HRH2: variants seen among roughly 807,000 people sequenced by gnomAD.
The protein encoded by HRH2 is histamine receptor H2.
In HRH2, 4 loss-of-function variants were observed where a neutral mutation model predicts 20.1. The ratio of observed to expected loss-of-function variants is 0.20; its 90% CI spans 0.10 to 0.45. The LOEUF is 0.45. Ranked by LOEUF, HRH2 falls within the 20% of genes least tolerant of loss-of-function variation. The pLI is 0.99. For missense variants in HRH2, 250 were observed against 461.6 expected (o/e 0.54, Z 4.20); for synonymous variants, 197 against 200.7 (o/e 0.98, Z 0.16).
intron 2 of HRH2, among the ~76,000 whole-genome samples, chr5:175,698,116 T>G (rs1375093049): frequency 6.6e-6 from 1 of 152,240 alleles, no homozygotes. Flanking sequence ...CACCTGTGCA[T>G]ACACTGGCAC....
chr5:175,675,128 T>C (rs1275410889), intron 1 of HRH2, among the ~76,000 whole-genome samples: 1 of 152,234 alleles, frequency 6.6e-6, no homozygotes, highest in Non-Finnish European at 1.5e-5. Flanking sequence ...CCTCAGCGTC[T>C]GTGTTTGTAA....
intron 2 of HRH2, among the ~76,000 whole-genome samples, chr5:175,696,653 G>C (rs1185513431): frequency 1.3e-5 from 2 of 152,228 alleles, no homozygotes; most frequent in African/African-American, 4.8e-5. Flanking sequence ...GTGGATGGCA[G>C]GGAGGTGGGG....
intron 2 of HRH2, chr5:175,691,446 TC>T: frequency 6.6e-6 from 1 of 152,216 alleles, no homozygotes; most frequent in Non-Finnish European, 1.5e-5. Flanking sequence ...CTCCTTCCTC[TC>T]CCCTGCCCTG....
intron 1 of HRH2, among the ~76,000 whole-genome samples, chr5:175,676,321 G>A (rs540131157): frequency 8.5e-5 from 13 of 152,312 alleles, no homozygotes; most frequent in South Asian, 2.1e-4. Context: ...GCACATCCAC[G>A]CCCGCACGTG....
At chr5:175,703,664 G>C (rs1166633993) in intron 2 of HRH2, among the ~76,000 whole-genome samples, 1 of 152,044 alleles carries the variant, frequency 6.6e-6, no homozygotes, top group Non-Finnish European at 1.5e-5. Flanking sequence ...GGCAAAACTT[G>C]TTAAGATAAC....
At chr5:175,702,718 ATTTTTTCTTTT>A (rs898323247) in intron 2 of HRH2, among the ~76,000 whole-genome samples, 1 of 139,752 alleles carries the variant, frequency 7.2e-6, no homozygotes, top group African/African-American at 2.9e-5. Flanking sequence ...CGCCTGGCTA[ATTTTTTCTTTT>A]TTTTTTTTTT....
At chr5:175,680,990 G>A (rs867337285) in intron 1 of HRH2, among the ~76,000 whole-genome samples, 94 of 152,190 alleles carry the variant, frequency 6.2e-4, no homozygotes, top group Middle Eastern at 3.4e-3. Flanking sequence ...TTATAAGAGA[G>A]GCTGGTCCAC....
At chr5:175,660,045 C>T (rs964714603) in intron 1 of HRH2, among the ~76,000 whole-genome samples, 1 of 152,184 alleles carries the variant, frequency 6.6e-6, no homozygotes, top group African/African-American at 2.4e-5. Context: ...ACATTCCACT[C>T]TCCATCCTAG....
At chr5:175,672,090 G>A (rs1755566487) in intron 1 of HRH2, among the ~76,000 whole-genome samples, 1 of 152,154 alleles carries the variant, frequency 6.6e-6, no homozygotes, top group Admixed American at 6.5e-5. Context: ...GTTGCTGGAA[G>A]AGACCTTTGA....
At chr5:175,672,700 C>T (rs934659623) in intron 1 of HRH2, among the ~76,000 whole-genome samples, 3 of 152,102 alleles carry the variant, frequency 2.0e-5, no homozygotes, top group African/African-American at 7.2e-5. Flanking sequence ...GATCCTGGAC[C>T]CTGGATCCTG....
At chr5:175,676,648 G>A (rs1237805216) in intron 1 of HRH2, among the ~76,000 whole-genome samples, 2 of 152,220 alleles carry the variant, frequency 1.3e-5, no homozygotes, top group Non-Finnish European at 1.5e-5. Context: ...AACGTACATA[G>A]ATTGCATAGT....
intron 1 of HRH2, among the ~76,000 whole-genome samples, chr5:175,660,086 G>A (rs751631912): frequency 5.3e-5 from 8 of 152,242 alleles, no homozygotes; most frequent in Non-Finnish European, 8.8e-5. Context: ...CCTCCCAGGC[G>A]ATGCGTCCGT....
At chr5:175,675,078 T>C (rs1755709553) in intron 1 of HRH2, among the ~76,000 whole-genome samples, 1 of 152,238 alleles carries the variant, frequency 6.6e-6, no homozygotes, top group Admixed American at 6.5e-5. Flanking sequence ...TGCCACTTAC[T>C]GTTTTTGAAA....
At chr5:175,662,339 G>T (rs149125168) in intron 1 of HRH2, among the ~76,000 whole-genome samples, 1 of 152,304 alleles carries the variant, frequency 6.6e-6, no homozygotes, top group African/African-American at 2.4e-5. Context: ...AACTTGGGGA[G>T]GGGGAGTGCT....
intron 2 of HRH2, among the ~76,000 whole-genome samples, chr5:175,706,789 G>C (rs1176230828): frequency 1.3e-5 from 2 of 152,182 alleles, no homozygotes; most frequent in African/African-American, 2.4e-5. Flanking sequence ...CTATGTCCTT[G>C]TTCACAAAGC....
At chr5:175,668,137 G>GA (rs1355519976) in intron 1 of HRH2, among the ~76,000 whole-genome samples, 1 of 152,216 alleles carries the variant, frequency 6.6e-6, no homozygotes, top group African/African-American at 2.4e-5. Flanking sequence ...TGAGGTTCTG[G>GA]AAGGGGAAGG....
chr5:175,683,153 G>A lies in HRH2; in HGVS notation c.-81G>A. 6.7e-7 allele frequency: 1 copy of A among 1,495,378 alleles called. No individual in the cohort carries two copies. The highest frequency in any genetic ancestry group is 1.3e-5 in the South Asian group (1 of 77,636). The allele number at this position is 1,495,378 out of a possible 1,614,324, so 92.6% of individuals were successfully genotyped here. On this transcript the variant is annotated 5_prime_UTR_variant, in exon 2 of 3. Coordinates refer to ENST00000636584, the MANE Select transcript of HRH2 (RefSeq NM_001367711.1). ...ATCTGTTGGGAGCTTGGAGTCCAGT[G>A]GTTGGCATAGTTGTCACATTGGGAG...
intron 2 of HRH2, among the ~76,000 whole-genome samples, chr5:175,700,244 T>C (rs900422730): frequency 2.6e-5 from 4 of 152,120 alleles, no homozygotes; most frequent in African/African-American, 7.2e-5. Context: ...GGTGAGAAGG[T>C]AGATGGTGAA....
chr5:175,672,243 G>C (rs1409641674), intron 1 of HRH2, among the ~76,000 whole-genome samples: 1 of 152,128 alleles, frequency 6.6e-6, no homozygotes, highest in Non-Finnish European at 1.5e-5. Context: ...TCCCACCCCA[G>C]CTCCTGCCCC....
Sources: allele counts gnomAD v4.1 joint callset (sites outside exome capture counted in the v4.1 genomes callset), GRCh38; gene constraint gnomAD v4.1.1; transcripts MANE v1.5; gene names NCBI Gene and HGNC (gene_info 2026-07-23, HGNC 2026-07-21).